The following MAP6 variants were observed in gnomAD, a reference collection of about 807,000 sequenced individuals.
MAP6 encodes microtubule associated protein 6.
MAP6 carries 26 observed loss-of-function variants against 42.4 expected under a neutral mutation model. That is an observed-to-expected ratio of 0.61 (90% CI 0.45 to 0.85). MAP6 has a LOEUF of 0.85. MAP6 is among the 40% of genes least tolerant of loss of function. The pLI is 0.00. For synonymous variants in MAP6, 418 were observed against 443.8 expected (o/e 0.94, Z 0.73); for missense variants, 966 against 1,099.0 (o/e 0.88, Z 1.71).
chr11:75,591,737 A>G (rs972486543), intron 3 of MAP6, among the ~76,000 whole-genome samples: 1 of 152,202 alleles, frequency 6.6e-6, no homozygotes, highest in African/African-American at 2.4e-5. Flanking sequence ...AGAAAGTACA[A>G]TGACCTGCTG....
rs929862374 is a variant in MAP6, at chr11:75,668,816, T to G, written c.-447A>C. On this transcript the variant is annotated 5_prime_UTR_variant, in exon 1 of 4. Coordinates refer to ENST00000304771, the MANE Select transcript of MAP6 (RefSeq NM_033063.2). ...GCGGACCGGGCTCGAGTCTCCTTCC[T>G]GCCGGCGTCCTAGTGCAGCCGGCCA... 4.4e-5 allele frequency: 7 copies of G among 158,664 alleles called. No homozygotes were observed. The highest frequency in any genetic ancestry group is 3.9e-4 in the Admixed American group (6 of 15,476). 9.8% of individuals were successfully genotyped at this position (158,664 alleles called of 1,614,324 possible).
In MAP6 at chr11:75,629,067, C is replaced by T. The variant is rs79897340; in HGVS notation, c.906-20745G>A. Among the ~76,000 whole-genome samples, 684 of 152,220 alleles carry T rather than the reference C, an allele frequency of 4.5e-3. 5 individuals carry two copies. The highest frequency in any genetic ancestry group is 0.015 in the African/African-American group (643 of 41,526). Reference sequence around the variant, plus strand: ...GTGCTGGGACTCAGGCTCACAAAGACGAAAAGCCTGCGTCTTTCATTTTTT... The same window carrying T: ...GTGCTGGGACTCAGGCTCACAAAGATGAAAAGCCTGCGTCTTTCATTTTTT... On this transcript the variant is annotated intron_variant, in intron 1 of 3. Transcript: ENST00000304771.
At chr11:75,664,184 A>C (rs1488317615) in intron 1 of MAP6, among the ~76,000 whole-genome samples, 1 of 152,236 alleles carries the variant, frequency 6.6e-6, no homozygotes, top group East Asian at 1.9e-4. Context: ...TCAGTTTTAC[A>C]ATATCATCTA....
At position 75,603,103 on chromosome 11, in the gene MAP6, A is replaced by C. The variant is rs906145771; in HGVS notation, c.1316+2705T>G. On this transcript the variant is annotated intron_variant, in intron 3 of 3. Coordinates refer to ENST00000304771, the MANE Select transcript of MAP6 (RefSeq NM_033063.2). ...TAATTAGACACTTCCTGTCTGCCTC[A>C]GAGAGGCAAAGAAAGCTATGTGGAC... is the stretch of plus-strand genomic sequence containing the variant. The C allele has an allele frequency of 6.1e-6, 6 of 985,526 alleles. No homozygotes were observed. The Admixed American group carries it at 3.1e-4, about 50-fold the overall frequency. The allele number at this position is 985,526 out of a possible 1,614,324, so 61.0% of individuals were successfully genotyped here.
At chr11:75,603,378 T>C (rs1003161551) in intron 3 of MAP6, 1 of 985,710 alleles carries the variant, frequency 1.0e-6, no homozygotes, top group African/African-American at 1.7e-5. Context: ...GTTTGGGATA[T>C]AGAATGAGAC....
At chr11:75,597,557 A>G (rs1183293061) in intron 3 of MAP6, among the ~76,000 whole-genome samples, 3 of 152,236 alleles carry the variant, frequency 2.0e-5, no homozygotes, top group African/African-American at 7.2e-5. Context: ...TTTAAAATGT[A>G]AAGTGTTGGA....
intron 1 of MAP6, among the ~76,000 whole-genome samples, chr11:75,654,226 A>C (rs1223369995): frequency 6.6e-6 from 1 of 152,228 alleles, no homozygotes; most frequent in Non-Finnish European, 1.5e-5. Context: ...CTTGAAACCA[A>C]GTCCCAAATA....
rs915364812 is a variant in MAP6, at chr11:75,667,371, A to T, written c.905+94T>A. 6.6e-6 allele frequency: 8 copies of T among 1,204,836 alleles called. No homozygotes were observed. In the South Asian group the frequency reaches 1.3e-4, roughly 19 times the overall value. The allele number at this position is 1,204,836 out of a possible 1,614,324, so 74.6% of individuals were successfully genotyped here. A position where few individuals can be genotyped will look rare whatever the true frequency, so the allele number is the denominator to read the frequency against. On this transcript the variant is annotated intron_variant, in intron 1 of 3. Coordinates refer to ENST00000304771, the MANE Select transcript of MAP6 (RefSeq NM_033063.2). The surrounding 1 kb of genome is among the most constrained non-coding windows in gnomAD (Gnocchi z 5.6). ...TGGCCTGGGACTGGAGGGAGGCTGC[A>T]CGCTAGGCCTGCGCTGGGGATCCTG...
intron 1 of MAP6, among the ~76,000 whole-genome samples, chr11:75,641,768 TC>T (rs1478363014): frequency 6.6e-6 from 1 of 152,238 alleles, no homozygotes; most frequent in African/African-American, 2.4e-5. Flanking sequence ...CTGGGAGGTA[TC>T]TTTCCTCGTT....
intron 1 of MAP6, among the ~76,000 whole-genome samples, chr11:75,642,020 T>C (rs544328166): frequency 3.3e-5 from 5 of 152,350 alleles, no homozygotes; most frequent in African/African-American, 9.6e-5. Context: ...TTTATATAAA[T>C]ATACAATTAA....
intron 3 of MAP6, chr11:75,597,162 C>T (rs1231504072): frequency 6.6e-6 from 1 of 152,208 alleles, no homozygotes; most frequent in Admixed American, 6.5e-5. Flanking sequence ...GGTTCATTCC[C>T]TCCCCCTAGG....
At chr11:75,604,316 AAGAG>A in intron 3 of MAP6, 1 of 985,796 alleles carries the variant, frequency 1.0e-6, no homozygotes, top group Non-Finnish European at 1.2e-6. Flanking sequence ...TGGTCGGAGT[AAGAG>A]AGAGTTCGTG....
chr11:75,656,194 G>C (rs921712349), intron 1 of MAP6, among the ~76,000 whole-genome samples: 2 of 152,306 alleles, frequency 1.3e-5, no homozygotes, highest in South Asian at 4.1e-4. Context: ...GTGTTTCAAA[G>C]ACACTGCACA....
chr11:75,657,986 G>C (rs1404574793), intron 1 of MAP6, among the ~76,000 whole-genome samples: 1 of 152,094 alleles, frequency 6.6e-6, no homozygotes. Context: ...ATTAGGATTT[G>C]GACATCTTTG....
At chr11:75,623,624 C>T (rs369286781) in intron 1 of MAP6, among the ~76,000 whole-genome samples, 6 of 152,290 alleles carry the variant, frequency 3.9e-5, no homozygotes, top group African/African-American at 1.4e-4. Flanking sequence ...TCTGACCCAT[C>T]TCTGCGTCCC....
chr11:75,661,846 T>C (rs1020857514), intron 1 of MAP6, among the ~76,000 whole-genome samples: 15 of 152,066 alleles, frequency 9.9e-5, no homozygotes, highest in African/African-American at 3.6e-4. Flanking sequence ...AAAAACAAGA[T>C]ATATAAATCT....
At chr11:75,628,521 G>A (rs1165425518) in intron 1 of MAP6, among the ~76,000 whole-genome samples, 2 of 152,240 alleles carry the variant, frequency 1.3e-5, no homozygotes, top group South Asian at 2.1e-4. Flanking sequence ...GGAGCTGGGG[G>A]AGGGGAGGAC....
At chr11:75,662,251 C>A (rs938430450) in intron 1 of MAP6, among the ~76,000 whole-genome samples, 1 of 151,998 alleles carries the variant, frequency 6.6e-6, no homozygotes, top group African/African-American at 2.4e-5. Flanking sequence ...CGGAAAAATT[C>A]AATACTTACC....
chr11:75,620,569 C>T (rs1175125432), intron 1 of MAP6, among the ~76,000 whole-genome samples: 2 of 151,900 alleles, frequency 1.3e-5, no homozygotes, highest in Middle Eastern at 3.4e-3. Flanking sequence ...CAGCATTTCC[C>T]TGATGCCCTG....
Sources: allele counts gnomAD v4.1 joint callset (sites outside exome capture counted in the v4.1 genomes callset), GRCh38; gene constraint gnomAD v4.1.1; non-coding constraint Gnocchi (gnomAD v3.1); transcripts MANE v1.5; gene names NCBI Gene and HGNC (gene_info 2026-07-23, HGNC 2026-07-21).